Variants in PCLO observed in about 807,000 individuals in gnomAD.
PCLO encodes protein piccolo.
In PCLO, 82 loss-of-function variants were observed where a neutral mutation model predicts 427.5. The ratio of observed to expected loss-of-function variants is 0.19; its 90% CI spans 0.16 to 0.23. PCLO has a LOEUF of 0.23. Among genes scored for constraint, PCLO ranks in the 10% least tolerant of loss-of-function variants. The probability of loss-of-function intolerance (pLI) is 1.00; values close to 1 mark genes in which losing one functional copy is unlikely to be tolerated. For synonymous variants in PCLO, 2,357 were observed against 2,155.4 expected (o/e 1.09, Z -2.59); for missense variants, 6,239 against 6,115.9 (o/e 1.02, Z -0.67).
At chr7:83,054,810 A>G (rs1789338678) in intron 3 of PCLO, among the ~76,000 whole-genome samples, 1 of 152,050 alleles carries the variant, frequency 6.6e-6, no homozygotes, top group South Asian at 2.1e-4. Context: ...TTGGGAATTT[A>G]ATTTTGTTGA....
At chr7:82,838,421 T>A (rs1375645325) in intron 14 of PCLO, 79 bp from the exon 15 acceptor site, 3 of 820,370 alleles carry the variant, frequency 3.7e-6, no homozygotes, top group Non-Finnish European at 5.4e-6. Flanking sequence ...TAGTTTTTTT[T>A]AAAGAAAATT....
intron 3 of PCLO, among the ~76,000 whole-genome samples, chr7:83,059,381 A>ATATATATATATATAAAT (rs757350399): frequency 1.0e-5 from 1 of 95,944 alleles, no homozygotes; most frequent in Non-Finnish European, 2.0e-5. Context: ...TATATATATA[A>ATATATATATATATAAAT]AAATGAAAAA....
chr7:83,054,916 C>T (rs1789340885), intron 3 of PCLO, among the ~76,000 whole-genome samples: 1 of 151,952 alleles, frequency 6.6e-6, no homozygotes, highest in African/African-American at 2.4e-5. Context: ...TTTGCTAATC[C>T]AAACATTTCT....
At chr7:83,032,439 CCCTCCCTTG>C (rs1299293772) in intron 3 of PCLO, among the ~76,000 whole-genome samples, 6 of 146,066 alleles carry the variant, frequency 4.1e-5, no homozygotes, top group South Asian at 4.6e-4. Flanking sequence ...TCCTTCCCTT[CCCTCCCTTG>C]CCTCCCTTCC....
intron 3 of PCLO, among the ~76,000 whole-genome samples, chr7:82,991,887 G>C (rs1386342315): frequency 1.3e-5 from 2 of 151,922 alleles, no homozygotes. Flanking sequence ...ATTCCTATAG[G>C]TACTTTAAAC....
intron 15 of PCLO, among the ~76,000 whole-genome samples, chr7:82,836,247 T>A (rs566283375): frequency 1.8e-4 from 28 of 152,188 alleles, no homozygotes; most frequent in Admixed American, 1.6e-3. Flanking sequence ...GAATATAGAA[T>A]ATAAACAACA....
intron 3 of PCLO, among the ~76,000 whole-genome samples, chr7:83,024,530 G>A (rs1052848048): frequency 1.3e-5 from 2 of 152,128 alleles, no homozygotes; most frequent in Admixed American, 6.6e-5. Context: ...GGCTGGGGGA[G>A]GGGCGCCCGC....
intron 3 of PCLO, among the ~76,000 whole-genome samples, chr7:83,081,294 C>T (rs1439558629): frequency 1.3e-5 from 2 of 151,882 alleles, no homozygotes; most frequent in Non-Finnish European, 2.9e-5. Flanking sequence ...TTGCCAAATA[C>T]AGATTTTATA....
Position 82,787,490 on chromosome 7 carries a change from G to A in PCLO, c.15007+14028C>T, listed in dbSNP as rs190151153. Reference sequence around the variant, plus strand: ...ATGCCACAATTATTTATTTCCAGGAGCGTTTTAGTAGAATATTTTATTTAA... The same window carrying A: ...ATGCCACAATTATTTATTTCCAGGAACGTTTTAGTAGAATATTTTATTTAA... On this transcript the variant is annotated intron_variant, in intron 22 of 24. Coordinates refer to ENST00000333891, the MANE Select transcript of PCLO (RefSeq NM_033026.6). Among the ~76,000 whole-genome samples, 299 of 152,028 alleles carry A rather than the reference G, an allele frequency of 2.0e-3. 1 individual carries two copies. The highest frequency in any genetic ancestry group is 0.017 in the Middle Eastern group (5 of 294).
chr7:83,006,564 G>T (rs903399478), intron 3 of PCLO, among the ~76,000 whole-genome samples: 1 of 151,230 alleles, frequency 6.6e-6, no homozygotes, highest in African/African-American at 2.4e-5. Context: ...ATTGAACCTT[G>T]GAAATACAGT....
At chr7:82,902,838 A>T in intron 8 of PCLO, 97 bp from the exon 9 acceptor site, 1 of 655,376 alleles carries the variant, frequency 1.5e-6, no homozygotes, top group Non-Finnish European at 2.7e-6. Context: ...CACATTGATT[A>T]AATCAATGGA....
At chr7:83,021,876 T>C (rs1788352525) in intron 3 of PCLO, among the ~76,000 whole-genome samples, 1 of 152,188 alleles carries the variant, frequency 6.6e-6, no homozygotes, top group Non-Finnish European at 1.5e-5. Context: ...TAAAGACTGC[T>C]AAGGAATTGT....
intron 3 of PCLO, among the ~76,000 whole-genome samples, chr7:83,038,172 CACAT>C (rs1380843313): frequency 2.9e-5 from 4 of 137,214 alleles, no homozygotes; most frequent in Admixed American, 1.7e-4. Context: ...TGTATATACA[CACAT>C]ACATATAACA....
intron 9 of PCLO, among the ~76,000 whole-genome samples, chr7:82,891,512 T>G (rs548308225): frequency 6.6e-6 from 1 of 152,214 alleles, no homozygotes; most frequent in East Asian, 1.9e-4. Flanking sequence ...CTTTTCCTAA[T>G]TGAATACCCT....
At chr7:82,900,543 A>G (rs555045235) in intron 9 of PCLO, among the ~76,000 whole-genome samples, 1 of 3,536 alleles carries the variant, frequency 2.8e-4, no homozygotes, top group South Asian at 8.8e-3. Flanking sequence ...CATTGATTTA[A>G]ATATGGACTA....
intron 6 of PCLO, among the ~76,000 whole-genome samples, chr7:82,924,862 A>G (rs986249140): frequency 2.6e-5 from 4 of 152,154 alleles, no homozygotes; most frequent in Non-Finnish European, 4.4e-5. Flanking sequence ...GTTAAAAAAT[A>G]GATGGAAACA....
chr7:83,151,395 GCACTTCAT>G (rs199788720), intron 2 of PCLO, among the ~76,000 whole-genome samples: 2,252 of 152,244 alleles, frequency 0.015, 79 homozygotes, highest in African/African-American at 0.051. Flanking sequence ...AACTTTAAAA[GCACTTCAT>G]GTATCTAAAA....
At chr7:82,790,201 T>A (rs1791073556) in intron 22 of PCLO, among the ~76,000 whole-genome samples, 1 of 152,222 alleles carries the variant, frequency 6.6e-6, no homozygotes, top group South Asian at 2.1e-4. Context: ...AACCCATCCT[T>A]CAGAACCCCA....
At chr7:82,907,968 A>T (rs1794230760) in intron 8 of PCLO, among the ~76,000 whole-genome samples, 1 of 152,098 alleles carries the variant, frequency 6.6e-6, no homozygotes, top group African/African-American at 2.4e-5. Context: ...TAGTAAGTCT[A>T]TATGGATCTT....
Sources: gnomAD v4.1 joint callset for allele counts (sites outside exome capture counted in the v4.1 genomes callset) on GRCh38, gnomAD v4.1.1 for gene constraint, MANE v1.5 for transcripts, NCBI Gene and HGNC (gene_info 2026-07-23, HGNC 2026-07-21) for gene names.